LASP1: variants seen among roughly 807,000 people sequenced by gnomAD.
LASP1 encodes the protein LIM and SH3 domain protein 1.
In LASP1, 10 loss-of-function variants were observed where a neutral mutation model predicts 38.6. The ratio of observed to expected loss-of-function variants is 0.26; its 90% CI spans 0.16 to 0.44. The LOEUF (loss-of-function observed/expected upper bound fraction) is 0.44, where lower values mean the gene tolerates loss of function less well. Among genes scored for constraint, LASP1 ranks in the 20% least tolerant of loss-of-function variants. LASP1 has a pLI of 1.00. For synonymous variants in LASP1, 132 were observed against 140.8 expected, an observed-to-expected ratio of 0.94 and a Z score of 0.44; for missense variants, 243 against 375.7, an observed-to-expected ratio of 0.65 and a Z score of 2.92.
At chr17:38,896,393 C>G (rs1914492524) in intron 3 of LASP1, among the ~76,000 whole-genome samples, 1 of 152,198 alleles carries the variant, frequency 6.6e-6, no homozygotes, top group Non-Finnish European at 1.5e-5. Flanking sequence ...AGGCTCCCTC[C>G]CTTCTCAGCC....
chr17:38,875,056 C>CGTGT lies in LASP1; in HGVS notation c.70-3000_70-2997dup, dbSNP rs3220064. 5.9e-3 allele frequency among the ~76,000 whole-genome samples: 831 copies of CGTGT among 140,452 alleles called. 2 individuals are homozygous for CGTGT. The highest frequency in any genetic ancestry group is 0.02 in the East Asian group (89 of 4,548). The allele number at this position is 140,452 out of a possible 152,430, so 92.1% of individuals were successfully genotyped here. ...GGTCCTAGGACAGTGTGTAGCCCTT[C>CGTGT]GTGTGTGTGTGTGTGTGTGTGTGTG... is the stretch of plus-strand genomic sequence containing the variant. On this transcript the variant is annotated intron_variant, in intron 1 of 6. Coordinates refer to ENST00000318008, the MANE Select transcript of LASP1 (RefSeq NM_006148.4).
chr17:38,883,753 T>C (rs1161341027), intron 2 of LASP1, among the ~76,000 whole-genome samples: 1 of 150,238 alleles, frequency 6.7e-6, no homozygotes, highest in Non-Finnish European at 1.5e-5. Flanking sequence ...TTTTTTTTTT[T>C]TTTTCTTTTC....
In LASP1 at chr17:38,921,269, A is replaced by G. The variant is rs1478218935; in HGVS notation, c.*2491A>G. 2.2e-5 allele frequency: 5 copies of G among 230,184 alleles called. No homozygotes were observed. The highest frequency in any genetic ancestry group is 4.3e-5 in the Non-Finnish European group (5 of 115,952). 14.3% of individuals were successfully genotyped at this position (230,184 alleles called of 1,614,324 possible). On this transcript the variant is annotated 3_prime_UTR_variant, in exon 7 of 7. Transcript: ENST00000318008. ...GCTCATTTAATCCCAGGAAAGAGGCATCAAAGCTAGAATGTGAATATAACT... is the reference window on the plus strand; with the variant it reads ...GCTCATTTAATCCCAGGAAAGAGGCGTCAAAGCTAGAATGTGAATATAACT...
At chr17:38,880,328 G>A (rs1396202078) in intron 2 of LASP1, among the ~76,000 whole-genome samples, 1 of 152,232 alleles carries the variant, frequency 6.6e-6, no homozygotes, top group East Asian at 1.9e-4. Context: ...CAAAGTTCCA[G>A]CTTACTGTTT....
intron 2 of LASP1, among the ~76,000 whole-genome samples, chr17:38,879,385 T>C (rs1004675618): frequency 9.2e-5 from 14 of 151,856 alleles, no homozygotes; most frequent in African/African-American, 3.1e-4. Flanking sequence ...CTCGAACTCC[T>C]GACCTCAAGT....
chr17:38,899,487 G>A (rs1475730403), intron 4 of LASP1, among the ~76,000 whole-genome samples: 1 of 152,194 alleles, frequency 6.6e-6, no homozygotes, highest in Non-Finnish European at 1.5e-5. Context: ...CACCTCAGCA[G>A]GGCGCTCCTT....
chr17:38,910,451 T>TC (rs539990429), intron 4 of LASP1, among the ~76,000 whole-genome samples: 7 of 151,610 alleles, frequency 4.6e-5, no homozygotes, highest in Middle Eastern at 3.4e-3. Flanking sequence ...TGGTTCTTCT[T>TC]CCCCCCCTCC....
In LASP1 at chr17:38,920,136, G is replaced by C; in HGVS notation, c.*1358G>C. 1.9e-6 allele frequency: 1 copy of C among 536,364 alleles called. No homozygotes were observed. The highest frequency in any genetic ancestry group is 1.5e-5 in the South Asian group (1 of 65,250). 33.2% of individuals were successfully genotyped at this position (536,364 alleles called of 1,614,324 possible). ...GCAGGGTGGAAGGTAAGAGGTTGGT[G>C]TGGAGTTGGGGCTGCCATAGGGTCT... On this transcript the variant is annotated 3_prime_UTR_variant, in exon 7 of 7. Transcript: ENST00000318008.
intron 6 of LASP1, among the ~76,000 whole-genome samples, chr17:38,917,260 G>A (rs928287651): frequency 6.6e-6 from 1 of 152,188 alleles, no homozygotes; most frequent in Non-Finnish European, 1.5e-5. Flanking sequence ...AGAGACTGAG[G>A]TTACTTCATG....
intron 6 of LASP1, among the ~76,000 whole-genome samples, chr17:38,917,439 A>C (rs1915164642): frequency 6.6e-6 from 1 of 151,202 alleles, no homozygotes; most frequent in Admixed American, 6.6e-5. Flanking sequence ...CCATCCTGGT[A>C]GTAGGTGGCG....
chr17:38,912,099 A>G (rs1040806387), intron 4 of LASP1, among the ~76,000 whole-genome samples: 4 of 152,002 alleles, frequency 2.6e-5, no homozygotes, highest in African/African-American at 9.7e-5. Flanking sequence ...CGGCCTCACC[A>G]CCCGCCTTTC....
intron 1 of LASP1, among the ~76,000 whole-genome samples, chr17:38,877,166 A>G (rs1913805926): frequency 6.6e-6 from 1 of 152,316 alleles, no homozygotes; most frequent in Middle Eastern, 3.4e-3. Context: ...CAGAGGTGCC[A>G]AGTGCTGTGC....
chr17:38,917,904 C>T (rs555342894), intron 6 of LASP1, among the ~76,000 whole-genome samples: 5 of 151,844 alleles, frequency 3.3e-5, no homozygotes, highest in South Asian at 2.1e-4. Flanking sequence ...TTTGGGAGGC[C>T]GAGGCGAGCG....
rs147591875 is a variant in LASP1, at chr17:38,921,702, A to G, written c.*2924A>G. On this transcript the variant is annotated 3_prime_UTR_variant, in exon 7 of 7. Coordinates refer to ENST00000318008, the MANE Select transcript of LASP1 (RefSeq NM_006148.4). ...TTTCTGGCCTGTTATGATTCTGAAC[A>G]TTTGACTTGAACCACAAGTGAATCT... The G allele has an allele frequency of 1.3e-5, 3 of 230,172 alleles. No individual in the cohort carries two copies. In the Admixed American group the frequency reaches 1.7e-4, roughly 13 times the overall value. The allele number at this position is 230,172 out of a possible 1,614,324, so 14.3% of individuals were successfully genotyped here.
At chr17:38,900,380 C>A (rs370986403) in intron 4 of LASP1, among the ~76,000 whole-genome samples, 243 of 113,512 alleles carry the variant, frequency 2.1e-3, no homozygotes, top group Non-Finnish European at 2.3e-3. Context: ...ACCCTGTTTC[C>A]AAAAAAAAAA....
chr17:38,910,883 C>T (rs1914920267), intron 4 of LASP1, among the ~76,000 whole-genome samples: 1 of 152,080 alleles, frequency 6.6e-6, no homozygotes, highest in South Asian at 2.1e-4. Flanking sequence ...CCATCATGCC[C>T]AGCTAATTTT....
intron 3 of LASP1, among the ~76,000 whole-genome samples, chr17:38,892,993 GTGTA>G (rs1328488846): frequency 1.9e-4 from 25 of 133,364 alleles, no homozygotes; most frequent in South Asian, 6.8e-4. Flanking sequence ...GCATGCACGC[GTGTA>G]TGTGTGTGTG....
At chr17:38,910,535 G>T (rs1158339427) in intron 4 of LASP1, among the ~76,000 whole-genome samples, 1 of 151,776 alleles carries the variant, frequency 6.6e-6, no homozygotes, top group Non-Finnish European at 1.5e-5. Flanking sequence ...TTTGGTCCAT[G>T]GACCATAGAT....
chr17:38,874,839 C>G (rs1403134742), intron 1 of LASP1, among the ~76,000 whole-genome samples: 8 of 152,084 alleles, frequency 5.3e-5, no homozygotes, highest in African/African-American at 1.7e-4. Flanking sequence ...TCTGCTTCCT[C>G]CGCGTGGCAG....
Sources: gnomAD v4.1 joint callset for allele counts (sites outside exome capture counted in the v4.1 genomes callset) on GRCh38, gnomAD v4.1.1 for gene constraint, MANE v1.5 for transcripts, NCBI Gene and HGNC (gene_info 2026-07-23, HGNC 2026-07-21) for gene names.